KCTD16: variants seen among roughly 807,000 people sequenced by gnomAD.
The protein encoded by KCTD16 is BTB/POZ domain-containing protein KCTD16.
KCTD16 carries 13 observed loss-of-function variants against 33.2 expected under a neutral mutation model. The ratio of observed to expected loss-of-function variants is 0.39; its 90% CI spans 0.25 to 0.62. The LOEUF is 0.62. KCTD16 is among the 20% of genes least tolerant of loss of function. The pLI is 0.50. For missense variants in KCTD16, 441 were observed against 525.1 expected, an observed-to-expected ratio of 0.84 and a Z score of 1.57; for synonymous variants, 197 against 195.3, an observed-to-expected ratio of 1.01 and a Z score of -0.07.
chr5:144,326,102 A>G (rs1236617400), intron 3 of KCTD16, among the ~76,000 whole-genome samples: 1 of 152,164 alleles, frequency 6.6e-6, no homozygotes, highest in African/African-American at 2.4e-5. Flanking sequence ...AGAGAACTCA[A>G]CTCAGGTCAT....
rs762797316 is a variant in KCTD16 at position 144,441,857 on chromosome 5, C to CAA, written c.833-31789_833-31788dup. Among the ~76,000 whole-genome samples, 108 of 105,042 alleles carry CAA rather than the reference C, an allele frequency of 1.0e-3. No homozygotes were observed. In the East Asian group the frequency reaches 0.016, roughly 16 times the overall value. The allele number at this position is 105,042 out of a possible 152,430, so 68.9% of individuals were successfully genotyped here. On this transcript the variant is annotated intron_variant, in intron 3 of 3. Transcript: ENST00000512467. ...GTTAAGATCATCTTGACAATTTCTGCAAAAAAAAAAAAAAATCTGGGATTT... is the reference window on the plus strand; with the variant it reads ...GTTAAGATCATCTTGACAATTTCTGCAAAAAAAAAAAAAAAAATCTGGGATTT...
chr5:144,374,755 T>G (rs1752046951), intron 3 of KCTD16, among the ~76,000 whole-genome samples: 1 of 152,204 alleles, frequency 6.6e-6, no homozygotes, highest in Admixed American at 6.5e-5. Flanking sequence ...GCTACTTTTT[T>G]TTTTCCTGAT....
chr5:144,288,649 G>T (rs1442766351), intron 3 of KCTD16, among the ~76,000 whole-genome samples: 2 of 152,156 alleles, frequency 1.3e-5, no homozygotes, highest in Non-Finnish European at 2.9e-5. Flanking sequence ...TTTTATTTCT[G>T]CAGTAAGTTA....
chr5:144,359,788 T>A (rs1002995295), intron 3 of KCTD16, among the ~76,000 whole-genome samples: 1 of 151,976 alleles, frequency 6.6e-6, no homozygotes, highest in Non-Finnish European at 1.5e-5. Context: ...AAAAAAACCC[T>A]GATATAGAAT....
intron 3 of KCTD16, among the ~76,000 whole-genome samples, chr5:144,342,255 C>G (rs560156837): frequency 6.6e-6 from 1 of 152,230 alleles, no homozygotes. Flanking sequence ...TTTCATTGAA[C>G]AGTGGTTTGT....
chr5:144,380,272 A>G (rs979854980), intron 3 of KCTD16, among the ~76,000 whole-genome samples: 3 of 152,150 alleles, frequency 2.0e-5, no homozygotes, highest in African/African-American at 7.2e-5. Flanking sequence ...ACCTAGGAAT[A>G]CAGCTTACCA....
intron 3 of KCTD16, among the ~76,000 whole-genome samples, chr5:144,366,695 A>G (rs1388143726): frequency 6.6e-6 from 1 of 152,178 alleles, no homozygotes; most frequent in Non-Finnish European, 1.5e-5. Flanking sequence ...CAATACTGCT[A>G]TCCTAGTCAC....
At position 144,388,131 on chromosome 5, in the gene KCTD16, G is replaced by A. The variant is rs558753959; in HGVS notation, c.833-85529G>A. 3.9e-5 allele frequency among the ~76,000 whole-genome samples: 5 copies of A among 129,752 alleles called. No homozygotes were observed. In the East Asian group the frequency reaches 1.2e-3, roughly 31 times the overall value. The allele number at this position is 129,752 out of a possible 152,430, so 85.1% of individuals were successfully genotyped here. A position where few individuals can be genotyped will look rare whatever the true frequency, so the allele number is the denominator to read the frequency against. On this transcript the variant is annotated intron_variant, in intron 3 of 3. Transcript: ENST00000512467. The stretch of plus-strand genomic sequence containing the variant: ...CTCGCTCTGTTGCCCAGAGACTGGA[G>A]TGCAGTGGCGGGATATCGGCTCACT...
chr5:144,416,713 C>G (rs773798843), intron 3 of KCTD16, among the ~76,000 whole-genome samples: 55 of 152,160 alleles, frequency 3.6e-4, no homozygotes, highest in Non-Finnish European at 5.6e-4. Context: ...CCATCTATAT[C>G]AAGCTCCAAA....
chr5:144,338,645 T>C (rs1427686005), intron 3 of KCTD16, among the ~76,000 whole-genome samples: 1 of 152,176 alleles, frequency 6.6e-6, no homozygotes, highest in East Asian at 1.9e-4. Context: ...ATTTAAGGGT[T>C]AGTGAGAGAC....
intron 3 of KCTD16, among the ~76,000 whole-genome samples, chr5:144,448,116 GT>G (rs1267099943): frequency 6.7e-6 from 1 of 149,820 alleles, no homozygotes; most frequent in African/African-American, 2.5e-5. Flanking sequence ...ATTACTTGTA[GT>G]TACCAAAATT....
At chr5:144,224,138 G>A (rs1432269703) in intron 3 of KCTD16, among the ~76,000 whole-genome samples, 1 of 152,168 alleles carries the variant, frequency 6.6e-6, no homozygotes, top group Non-Finnish European at 1.5e-5. Flanking sequence ...AAATTAAACG[G>A]CAAAAACAAA....
intron 3 of KCTD16, among the ~76,000 whole-genome samples, chr5:144,256,797 T>C (rs575244069): frequency 6.8e-6 from 1 of 148,094 alleles, no homozygotes; most frequent in African/African-American, 2.4e-5. Context: ...CCAAAAACTT[T>C]AGGACTTTAA....
chr5:144,354,249 T>A (rs1283523593), intron 3 of KCTD16, among the ~76,000 whole-genome samples: 1 of 152,170 alleles, frequency 6.6e-6, no homozygotes, highest in African/African-American at 2.4e-5. Flanking sequence ...TACCCAACTA[T>A]AAGAACTACT....
intron 3 of KCTD16, among the ~76,000 whole-genome samples, chr5:144,329,242 T>C (rs952244767): frequency 6.6e-6 from 1 of 152,148 alleles, no homozygotes; most frequent in Non-Finnish European, 1.5e-5. Context: ...CCAGTGACTT[T>C]GAACTTTAAT....
chr5:144,407,980 T>A (rs903378103), intron 3 of KCTD16, among the ~76,000 whole-genome samples: 4 of 152,238 alleles, frequency 2.6e-5, no homozygotes, highest in Non-Finnish European at 1.5e-5. Context: ...TATTTGCTAT[T>A]GTAAATAGTG....
chr5:144,412,709 AC>A (rs1449446985), intron 3 of KCTD16, among the ~76,000 whole-genome samples: 2 of 151,918 alleles, frequency 1.3e-5, no homozygotes, highest in African/African-American at 4.8e-5. Flanking sequence ...AACATGATGA[AC>A]CCCCATCTCT....
intron 3 of KCTD16, among the ~76,000 whole-genome samples, chr5:144,362,056 C>T (rs566255173): frequency 6.6e-6 from 1 of 152,018 alleles, no homozygotes; most frequent in African/African-American, 2.4e-5. Context: ...CTCTAAAGTG[C>T]CTTCCAATCT....
At chr5:144,346,754 T>C (rs1462737288) in intron 3 of KCTD16, among the ~76,000 whole-genome samples, 1 of 152,240 alleles carries the variant, frequency 6.6e-6, no homozygotes, top group Non-Finnish European at 1.5e-5. Flanking sequence ...TTCTGGCTCT[T>C]AATCCCTTGT....
Sources: allele counts gnomAD v4.1 joint callset (sites outside exome capture counted in the v4.1 genomes callset), GRCh38; gene constraint gnomAD v4.1.1; transcripts MANE v1.5; gene names NCBI Gene and HGNC (gene_info 2026-07-23, HGNC 2026-07-21).